Variants in KIAA1328 observed in about 807,000 individuals in gnomAD.
The protein encoded by KIAA1328 is KIAA1328, also known as protein hinderin.
A neutral mutation model predicts 68.1 loss-of-function variants in KIAA1328; 52 were observed. The observed-to-expected ratio is 0.76, with a 90% confidence interval of 0.61 to 0.96. The LOEUF (loss-of-function observed/expected upper bound fraction) is 0.96. KIAA1328 is among the 40% of genes least tolerant of loss of function. KIAA1328 has a pLI of 0.00. For missense variants in KIAA1328, 641 were observed against 677.6 expected, an observed-to-expected ratio of 0.95 and a Z score of 0.60; for synonymous variants, 232 against 239.4, an observed-to-expected ratio of 0.97 and a Z score of 0.28.
chr18:37,148,168 C>G (rs1276054315), intron 7 of KIAA1328, among the ~76,000 whole-genome samples: 2 of 152,068 alleles, frequency 1.3e-5, no homozygotes, highest in Non-Finnish European at 2.9e-5. Flanking sequence ...GTGTTGTTTC[C>G]CTCCCTGTGT....
At chr18:37,012,153 A>G (rs776248868) in intron 6 of KIAA1328, among the ~76,000 whole-genome samples, 7 of 152,186 alleles carry the variant, frequency 4.6e-5, no homozygotes, top group South Asian at 2.1e-4. Flanking sequence ...TCAGAACAAT[A>G]TAGAACTAAT....
chr18:36,908,377 G>A (rs1045238027), intron 5 of KIAA1328, among the ~76,000 whole-genome samples: 4 of 152,066 alleles, frequency 2.6e-5, no homozygotes, highest in African/African-American at 9.7e-5. Flanking sequence ...GTCTTGCTTT[G>A]TCACCTAGAC....
rs58940026 is a variant in KIAA1328 at position 37,005,432 on chromosome 18, TAAAA to T, written c.576+46008_576+46011del. Among the ~76,000 whole-genome samples, 10 of 148,396 alleles carry T rather than the reference TAAAA, an allele frequency of 6.7e-5. 2 individuals carry two copies. The highest frequency in any genetic ancestry group is 6.7e-4 in the Admixed American group (10 of 14,968). ...TACCTTAGTCAGAATAGCTATTATT[TAAAA>T]AAAAAAAAAACAAGTAGCAGATATT... On this transcript the variant is annotated intron_variant, in intron 6 of 9. Coordinates refer to ENST00000280020, the MANE Select transcript of KIAA1328 (RefSeq NM_020776.3).
intron 5 of KIAA1328, chr18:36,946,606 C>T (rs562336314): frequency 1.7e-4 from 26 of 152,240 alleles, no homozygotes; most frequent in Middle Eastern, 6.8e-3. Context: ...CTAGGTTATC[C>T]TTGGATAAGT....
At chr18:36,974,266 G>A (rs909998207) in intron 6 of KIAA1328, among the ~76,000 whole-genome samples, 3 of 152,042 alleles carry the variant, frequency 2.0e-5, no homozygotes, top group African/African-American at 7.2e-5. Flanking sequence ...ATCCATCACC[G>A]GAATAATGTA....
At chr18:37,004,375 T>C (rs1311004220) in intron 6 of KIAA1328, among the ~76,000 whole-genome samples, 3 of 151,874 alleles carry the variant, frequency 2.0e-5, no homozygotes, top group Non-Finnish European at 2.9e-5. Flanking sequence ...AGGACTAATA[T>C]CCAGAATCTA....
At chr18:37,193,809 A>AAGTTG in intron 9 of KIAA1328, 1 of 591,122 alleles carries the variant, frequency 1.7e-6, no homozygotes, top group East Asian at 2.8e-5. Context: ...ATTTTCTGAA[A>AAGTTG]AGTGGGTTTC....
chr18:36,972,104 A>G (rs1344663884), intron 6 of KIAA1328, among the ~76,000 whole-genome samples: 1 of 152,250 alleles, frequency 6.6e-6, no homozygotes, highest in African/African-American at 2.4e-5. Flanking sequence ...GTAAATCCAT[A>G]TAATAAACCC....
At chr18:37,201,417 A>C (rs1380975783) in intron 9 of KIAA1328, among the ~76,000 whole-genome samples, 2 of 152,208 alleles carry the variant, frequency 1.3e-5, no homozygotes, top group African/African-American at 2.4e-5. Flanking sequence ...GTAGAAAAAT[A>C]ATAAAAGCAG....
rs889296582 is a variant in KIAA1328 at position 36,829,216 on chromosome 18, C to T, written c.58+20C>T. ...GGGACTGTATCCTTTGCCCGCCTGA[C>T]AGGGGGCGCCGGCGCCCTCCACGGG... On this transcript the variant is annotated intron_variant, in intron 1 of 9. Coordinates refer to ENST00000280020, the MANE Select transcript of KIAA1328 (RefSeq NM_020776.3). 6.6e-7 allele frequency: 1 copy of T among 1,504,968 alleles called. No individual in the cohort carries two copies. Among genetic ancestry groups the T allele is most frequent in the African/African-American group, 1.4e-5 (1 of 69,604 alleles). 93.2% of individuals were successfully genotyped at this position (1,504,968 alleles called of 1,614,324 possible).
chr18:37,003,766 C>A (rs9951914), intron 6 of KIAA1328, among the ~76,000 whole-genome samples: 142,209 of 152,162 alleles, frequency 0.93, 67,202 homozygotes, highest in East Asian at 1. Context: ...TTTTTGTATA[C>A]GGTGAGAAAT....
intron 9 of KIAA1328, among the ~76,000 whole-genome samples, chr18:37,183,649 GA>G (rs1176525230): frequency 6.6e-6 from 1 of 152,128 alleles, no homozygotes; most frequent in East Asian, 1.9e-4. Flanking sequence ...AGCCTGCAGT[GA>G]AAAAACTAAG....
At chr18:37,039,445 G>A (rs559664644) in intron 6 of KIAA1328, among the ~76,000 whole-genome samples, 5 of 150,280 alleles carry the variant, frequency 3.3e-5, no homozygotes, top group South Asian at 4.2e-4. Flanking sequence ...GCGGAATCTC[G>A]CTCTGTTGCC....
At position 37,139,446 on chromosome 18, in the gene KIAA1328, C is replaced by T. The variant is rs536362606; in HGVS notation, c.1233-20754C>T. The stretch of plus-strand genomic sequence containing the variant: ...AGCCAAGTATGCCCAGAAATGGTAA[C>T]TAGAAAGTAGTACAACCTAAGAAAT... On this transcript the variant is annotated intron_variant, in intron 7 of 9. Coordinates refer to ENST00000280020, the MANE Select transcript of KIAA1328 (RefSeq NM_020776.3). Among the ~76,000 whole-genome samples, 24 of 152,206 alleles carry T rather than the reference C, an allele frequency of 1.6e-4. No individual in the cohort carries two copies. The East Asian group carries it at 3.9e-3, about 25-fold the overall frequency.
intron 5 of KIAA1328, among the ~76,000 whole-genome samples, chr18:36,943,478 A>G (rs1568193452): frequency 6.6e-6 from 1 of 152,210 alleles, no homozygotes; most frequent in South Asian, 2.1e-4. Flanking sequence ...CATCACTGAT[A>G]ATGTTAAGTC....
intron 6 of KIAA1328, among the ~76,000 whole-genome samples, chr18:37,000,595 G>C (rs945228684): frequency 6.6e-6 from 1 of 151,426 alleles, no homozygotes; most frequent in Non-Finnish European, 1.5e-5. Flanking sequence ...CATATGTTAG[G>C]CCACAAAAAA....
intron 7 of KIAA1328, chr18:37,075,561 C>T (rs2056695573): frequency 6.6e-6 from 1 of 152,122 alleles, no homozygotes; most frequent in Non-Finnish European, 1.5e-5. Context: ...AGTCAAGACC[C>T]ATCAGTGTGC....
chr18:37,193,665 C>G (rs2059949430), intron 9 of KIAA1328: 2 of 702,498 alleles, frequency 2.8e-6, no homozygotes, highest in Non-Finnish European at 5.2e-6. Flanking sequence ...AAATGCTAGG[C>G]TACACGGATT....
At chr18:36,868,538 CT>C (rs1386785250) in intron 4 of KIAA1328, among the ~76,000 whole-genome samples, 1 of 152,116 alleles carries the variant, frequency 6.6e-6, no homozygotes, top group African/African-American at 2.4e-5. Flanking sequence ...GTTACTGAGA[CT>C]TTTTAAGATA....
Sources: allele counts gnomAD v4.1 joint callset (sites outside exome capture counted in the v4.1 genomes callset), GRCh38; gene constraint gnomAD v4.1.1; transcripts MANE v1.5; gene names NCBI Gene and HGNC (gene_info 2026-07-23, HGNC 2026-07-21).